Variants in CAMSAP2 observed in about 807,000 individuals in gnomAD.
The protein encoded by CAMSAP2 is calmodulin regulated spectrin associated protein family member 2, also known as calmodulin-regulated spectrin-associated protein 2.
CAMSAP2 carries 26 observed loss-of-function variants against 146.1 expected under a neutral mutation model. That is an observed-to-expected ratio of 0.18 (90% CI 0.13 to 0.25). CAMSAP2 has a LOEUF of 0.25. CAMSAP2 is among the 10% of genes least tolerant of loss of function. The probability of loss-of-function intolerance (pLI) is 1.00; values close to 1 mark genes in which losing one functional copy is unlikely to be tolerated. For synonymous variants in CAMSAP2, 499 were observed against 596.6 expected, an observed-to-expected ratio of 0.84 and a Z score of 2.38; for missense variants, 1,381 against 1,759.3, an observed-to-expected ratio of 0.78 and a Z score of 3.85.
rs1490846640 is a variant in CAMSAP2, at chr1:200,854,853, A to G, written c.3860A>G (p.Asp1287Gly). 1.2e-6 allele frequency: 2 copies of G among 1,612,458 alleles called. No individual in the cohort carries two copies. The highest frequency in any genetic ancestry group is 1.7e-6 in the Non-Finnish European group (2 of 1,179,254). Residue 1287 changes from aspartate to glycine, a missense_variant, in exon 14 of 17, where the codon GAT becomes GGT. Coordinates refer to ENST00000358823, the MANE Select transcript of CAMSAP2 (RefSeq NM_203459.4). ...SLSLASLNTG[D>G]NESVHSGKRT... ...TCTTTGGCATCGCTGAACACGGGTG[A>G]TAACGAGAGTGTACATTCAGGCAAG...
chr1:200,764,951 G>C (rs1467339537), intron 2 of CAMSAP2, among the ~76,000 whole-genome samples: 1 of 151,688 alleles, frequency 6.6e-6, no homozygotes. Flanking sequence ...TAAAAATACA[G>C]AAATTAGCTG....
intron 6 of CAMSAP2, among the ~76,000 whole-genome samples, chr1:200,836,550 CAT>C (rs1667188743): frequency 1.3e-5 from 2 of 149,778 alleles, no homozygotes; most frequent in Non-Finnish European, 3.0e-5. Flanking sequence ...CTGCAGTGAA[CAT>C]ACACATGCAT....
At position 200,739,904 on chromosome 1, in the gene CAMSAP2, A is replaced by G; in HGVS notation, c.77A>G (p.Asp26Gly). ...GCCATCAAGCCTTTTGACCACTATG[A>G]TTTCTCCAGGGCCAAAATCGCCTGC... Reference protein sequence around the residue: ...VPAIKPFDHYDFSRAKIACNL... With the variant: ...VPAIKPFDHYGFSRAKIACNL... Residue 26 changes from aspartate to glycine, a missense_variant, in exon 1 of 17, where the codon GAT becomes GGT. By Grantham distance (94) the Asp-to-Gly change is moderately conservative. This residue lies in a region of CAMSAP2 where 284 missense variants were observed against 406.9 expected (regional missense o/e 0.70). Coordinates refer to ENST00000358823, the MANE Select transcript of CAMSAP2 (RefSeq NM_203459.4). This position sits in a 1 kb window ranked among gnomAD's most constrained non-coding sequence, Gnocchi z 4.8. 2 of 1,614,078 alleles carry G rather than the reference A, an allele frequency of 1.2e-6. No individual in the cohort carries two copies. The highest frequency in any genetic ancestry group is 2.2e-5 in the East Asian group (1 of 44,878).
intron 3 of CAMSAP2, among the ~76,000 whole-genome samples, chr1:200,810,763 C>T (rs565613392): frequency 6.6e-6 from 1 of 151,922 alleles, no homozygotes; most frequent in South Asian, 2.1e-4. Context: ...GTGGCACGCG[C>T]CTGTAGTCCC....
At chr1:200,805,422 T>G (rs1007991454) in intron 2 of CAMSAP2, among the ~76,000 whole-genome samples, 1 of 152,196 alleles carries the variant, frequency 6.6e-6, no homozygotes, top group Non-Finnish European at 1.5e-5. Flanking sequence ...GGAAGATAAC[T>G]GAGATAATAT....
chr1:200,746,770 C>T (rs1664340822), intron 1 of CAMSAP2, among the ~76,000 whole-genome samples: 2 of 151,846 alleles, frequency 1.3e-5, no homozygotes, highest in Non-Finnish European at 2.9e-5. Context: ...AGGAGCCCAC[C>T]ACCACGCCCA....
intron 2 of CAMSAP2, among the ~76,000 whole-genome samples, chr1:200,792,688 A>G (rs1346568197): frequency 1.3e-5 from 2 of 152,346 alleles, no homozygotes; most frequent in Admixed American, 1.3e-4. Context: ...AAAAAGTTAC[A>G]TACTGTATAA....
chr1:200,792,433 T>C (rs77887948), intron 2 of CAMSAP2, among the ~76,000 whole-genome samples: 147 of 152,190 alleles, frequency 9.7e-4, no homozygotes, highest in African/African-American at 3.4e-3. Flanking sequence ...GAGTTTGAGA[T>C]CGGGAGTTTG....
intron 1 of CAMSAP2, among the ~76,000 whole-genome samples, chr1:200,749,100 G>T (rs1228913829): frequency 6.6e-6 from 1 of 152,176 alleles, no homozygotes; most frequent in Non-Finnish European, 1.5e-5. Context: ...CTTAGGATAG[G>T]ATGCAAACAG....
chr1:200,786,425 C>A (rs1320546890), intron 2 of CAMSAP2, among the ~76,000 whole-genome samples: 1 of 151,726 alleles, frequency 6.6e-6, no homozygotes, highest in African/African-American at 2.4e-5. Context: ...GCTCTGTCGC[C>A]CAGGCTGGAG....
chr1:200,839,082 T>C (rs535418379), intron 6 of CAMSAP2, among the ~76,000 whole-genome samples: 5 of 152,324 alleles, frequency 3.3e-5, no homozygotes, highest in South Asian at 2.1e-4. Flanking sequence ...CCACTGCATA[T>C]ATAAGTGCAG....
At chr1:200,797,133 G>A (rs1330604747) in intron 2 of CAMSAP2, among the ~76,000 whole-genome samples, 17 of 151,952 alleles carry the variant, frequency 1.1e-4, no homozygotes, top group South Asian at 1.0e-3. Flanking sequence ...ATAAACATAC[G>A]TGTGCATGTG....
intron 2 of CAMSAP2, among the ~76,000 whole-genome samples, chr1:200,791,295 ATTTC>A (rs1665745202): frequency 6.6e-6 from 1 of 151,114 alleles, no homozygotes; most frequent in South Asian, 2.1e-4. Context: ...TGCTTTTAAG[ATTTC>A]TTTCTTTTTT....
chr1:200,800,381 GTTC>G (rs774231896), intron 2 of CAMSAP2, among the ~76,000 whole-genome samples: 37 of 152,192 alleles, frequency 2.4e-4, no homozygotes, highest in South Asian at 2.1e-4. Context: ...AGGATAGTTA[GTTC>G]TTCTTGTTGC....
At chr1:200,812,834 A>G (rs557577852) in intron 3 of CAMSAP2, among the ~76,000 whole-genome samples, 8 of 152,276 alleles carry the variant, frequency 5.3e-5, no homozygotes, top group East Asian at 3.9e-4. Context: ...TCTGTTTCCT[A>G]TCTCATTTTG....
chr1:200,762,939 G>T (rs1475425993), intron 2 of CAMSAP2, among the ~76,000 whole-genome samples: 1 of 151,574 alleles, frequency 6.6e-6, no homozygotes, highest in South Asian at 2.1e-4. Flanking sequence ...TCACTCTGTT[G>T]CCCAGGCTGG....
intron 4 of CAMSAP2, among the ~76,000 whole-genome samples, chr1:200,828,054 T>C (rs540676697): frequency 8.5e-4 from 129 of 152,230 alleles, no homozygotes; most frequent in Admixed American, 1.7e-3. Context: ...TAAAAGAAAC[T>C]TTTTATATAG....
At chr1:200,817,243 CACACA>C (rs1558192317) in intron 4 of CAMSAP2, among the ~76,000 whole-genome samples, 9 of 11,456 alleles carry the variant, frequency 7.9e-4, no homozygotes, top group African/African-American at 3.0e-3. Flanking sequence ...TACACACATA[CACACA>C]TATGTGTGTG....
Position 200,761,232 on chromosome 1 carries a change from T to C in CAMSAP2, c.399+134T>C, listed in dbSNP as rs142139617. ...TGCCTAGAGTTTACAACTCATCTTT[T>C]TCTTAACCTTGTTTCCAAATGAAGG... On this transcript the variant is annotated intron_variant, in intron 2 of 16. Coordinates refer to ENST00000358823, the MANE Select transcript of CAMSAP2 (RefSeq NM_203459.4). The C allele has an allele frequency of 2.3e-3, 1,898 of 827,438 alleles. 38 individuals are homozygous for C. The East Asian group carries it at 0.041, about 18-fold the overall frequency. The allele number at this position is 827,438 out of a possible 1,614,324, so 51.3% of individuals were successfully genotyped here.
Sources: gnomAD v4.1 joint callset for allele counts (sites outside exome capture counted in the v4.1 genomes callset) on GRCh38, gnomAD v4.1.1 for gene constraint, gnomAD v4.1.1 regional missense constraint, Gnocchi (gnomAD v3.1) non-coding constraint, MANE v1.5 for transcripts, NCBI Gene and HGNC (gene_info 2026-07-23, HGNC 2026-07-21) for gene names.